The following DCLK3 variants were observed in gnomAD, a reference collection of about 807,000 sequenced individuals.
DCLK3 encodes serine/threonine-protein kinase DCLK3.
A neutral mutation model predicts 46.4 loss-of-function variants in DCLK3; 30 were observed. The observed-to-expected ratio is 0.65, with a 90% CI of 0.48 to 0.88. The LOEUF (loss-of-function observed/expected upper bound fraction) is 0.88. Among genes scored for constraint, DCLK3 ranks in the 40% least tolerant of loss-of-function variants. DCLK3 has a pLI of 0.00. For missense variants in DCLK3, 846 were observed against 907.1 expected (o/e 0.93, Z 0.87); for synonymous variants, 401 against 339.2 (o/e 1.18, Z -2.00).
chr3:36,755,678 T>C (rs1001391724), intron 1 of DCLK3, among the ~76,000 whole-genome samples: 8 of 152,174 alleles, frequency 5.3e-5, no homozygotes, highest in African/African-American at 7.2e-5. Flanking sequence ...AGAGTTCTTA[T>C]GGACCAGTGT....
At chr3:36,759,995 T>A (rs1475987700) in intron 1 of DCLK3, among the ~76,000 whole-genome samples, 4 of 152,202 alleles carry the variant, frequency 2.6e-5, no homozygotes, top group African/African-American at 9.7e-5. Context: ...CATCTCTACA[T>A]CCTCAGGGCC....
In DCLK3 at chr3:36,715,215, T is replaced by C; in HGVS notation, c.*113A>G. On this transcript the variant is annotated 3_prime_UTR_variant, in exon 5 of 5. Coordinates refer to ENST00000636136, the MANE Select transcript of DCLK3 (RefSeq NM_001394672.2). ...TTAAAATATACTCAGTGTCTCTCCC[T>C]CTGATTCACCAATTATGTGAAGAAG... The C allele has an allele frequency of 8.2e-7, 1 of 1,222,706 alleles. No homozygotes were observed. The highest frequency in any genetic ancestry group is 2.7e-5 in the East Asian group (1 of 37,452). The allele number at this position is 1,222,706 out of a possible 1,614,324, so 75.7% of individuals were successfully genotyped here.
chr3:36,737,708 G>T lies in DCLK3; in HGVS notation c.1459C>A (p.Pro487Thr). ...GRRMTLRDDQ[P>T]AKLEKEPKTR... ...TTGGGCTCCTTTTCTAGCTTTGCAG[G>T]TTGGTCATCTCTGAGAGTCATCCTT... Residue 487 changes from proline (P) to threonine (T), a missense_variant, in exon 2 of 5, where the codon CCT (proline) becomes ACT (threonine). This residue lies in a region of DCLK3 where 553 missense variants were observed against 543.0 expected (regional missense o/e 1.02). Coordinates refer to ENST00000636136, the MANE Select transcript of DCLK3 (RefSeq NM_001394672.2). The surrounding 1 kb of genome is among the most constrained non-coding windows in gnomAD (Gnocchi z 4.4). 6.2e-7 allele frequency: 1 copy of T among 1,613,988 alleles called. No individual in the cohort carries two copies. The highest frequency in any genetic ancestry group is 8.5e-7 in the Non-Finnish European group (1 of 1,180,006).
intron 1 of DCLK3, among the ~76,000 whole-genome samples, chr3:36,746,151 G>T (rs774069046): frequency 5.6e-4 from 85 of 152,158 alleles, no homozygotes; most frequent in Non-Finnish European, 1.0e-3. Context: ...TATCTCAGAA[G>T]TGCCTCTGTC....
At chr3:36,754,560 C>T (rs1249469604) in intron 1 of DCLK3, among the ~76,000 whole-genome samples, 3 of 152,174 alleles carry the variant, frequency 2.0e-5, no homozygotes, top group African/African-American at 7.2e-5. Context: ...TAGGAGAAGA[C>T]TTTGATTTGG....
chr3:36,743,060 T>C (rs1435391224), intron 1 of DCLK3, among the ~76,000 whole-genome samples: 1 of 152,110 alleles, frequency 6.6e-6, no homozygotes, highest in African/African-American at 2.4e-5. Flanking sequence ...CTACCAATTT[T>C]GAACCATAAA....
chr3:36,737,058 C>T lies in DCLK3; in HGVS notation c.1959+150G>A. 1 of 1,150,250 alleles carries T rather than the reference C, an allele frequency of 8.7e-7. No homozygotes were observed. Among genetic ancestry groups the T allele is most frequent in the Non-Finnish European group, 1.2e-6 (1 of 836,192 alleles). The allele number at this position is 1,150,250 out of a possible 1,614,324, so 71.3% of individuals were successfully genotyped here. On this transcript the variant is annotated intron_variant, in intron 2 of 4. Coordinates refer to ENST00000636136, the MANE Select transcript of DCLK3 (RefSeq NM_001394672.2). The surrounding 1 kb of genome is among the most constrained non-coding windows in gnomAD (Gnocchi z 4.4). ...ATCTCAGCAACTTATGACCTATAAC[C>T]ATAGTTTTAAATACTGGAACAAGTA...
intron 1 of DCLK3, chr3:36,739,713 T>C (rs535502156): frequency 3.3e-5 from 5 of 152,326 alleles, no homozygotes; most frequent in Admixed American, 1.3e-4. Flanking sequence ...ATAAGCAGCA[T>C]GAAAAGGGAC....
chr3:36,750,906 C>A (rs547762737), intron 1 of DCLK3, among the ~76,000 whole-genome samples: 1 of 152,152 alleles, frequency 6.6e-6, no homozygotes, highest in Admixed American at 6.5e-5. Context: ...GAGGCGTCAA[C>A]AGGCACCAAC....
At chr3:36,723,555 T>A (rs972590308) in intron 2 of DCLK3, among the ~76,000 whole-genome samples, 58 of 152,050 alleles carry the variant, frequency 3.8e-4, no homozygotes, top group African/African-American at 1.4e-3. Flanking sequence ...GGGCCCAGGA[T>A]CCCCATGCTG....
intron 2 of DCLK3, among the ~76,000 whole-genome samples, chr3:36,724,951 A>G (rs943532326): frequency 6.6e-6 from 1 of 151,604 alleles, no homozygotes; most frequent in Non-Finnish European, 1.5e-5. Context: ...CAACTCCAAG[A>G]CTTGAGGCTG....
chr3:36,764,231 C>T lies in DCLK3; in HGVS notation c.33G>A (p.Pro11=). Residue 11 remains proline (P), a synonymous_variant, in exon 1 of 5, where the codon CCG becomes CCA. Coordinates refer to ENST00000636136, the MANE Select transcript of DCLK3 (RefSeq NM_001394672.2). The surrounding 1 kb of genome is among the most constrained non-coding windows in gnomAD (Gnocchi z 4.9). MPAATPAPQP[P]PPPARPAPAC... ...CTGGGGCTGGCCGGGCCGGGGGCGG[C>T]GGCGGCTGCGGGGCTGGAGTGGCGG... 6.4e-6 allele frequency: 2 copies of T among 313,522 alleles called. No individual in the cohort carries two copies. The highest frequency in any genetic ancestry group is 1.2e-5 in the Non-Finnish European group (2 of 171,690). The allele number at this position is 313,522 out of a possible 1,614,324, so 19.4% of individuals were successfully genotyped here.
chr3:36,754,552 G>GGAGAAGACTTT (rs1701470089), intron 1 of DCLK3, among the ~76,000 whole-genome samples: 1 of 152,188 alleles, frequency 6.6e-6, no homozygotes, highest in African/African-American at 2.4e-5. Context: ...CAATCATCTA[G>GGAGAAGACTTT]GAGAAGACTT....
chr3:36,752,551 G>A (rs1166233898), intron 1 of DCLK3, among the ~76,000 whole-genome samples: 3 of 152,168 alleles, frequency 2.0e-5, no homozygotes, highest in Non-Finnish European at 2.9e-5. Context: ...CTTCTCTCCT[G>A]TTTCATTAAA....
At position 36,761,645 on chromosome 3, in the gene DCLK3, T is replaced by C. The variant is rs74321363; in HGVS notation, c.82+2537A>G. Reference sequence around the variant, plus strand: ...AGGTGAGGAAACTCAGGATGCCAGATCAGATACAATGACCCTCCTGGATCC... The same window carrying C: ...AGGTGAGGAAACTCAGGATGCCAGACCAGATACAATGACCCTCCTGGATCC... On this transcript the variant is annotated intron_variant, in intron 1 of 4. Coordinates refer to ENST00000636136, the MANE Select transcript of DCLK3 (RefSeq NM_001394672.2). Among the ~76,000 whole-genome samples, 995 of 152,236 alleles carry C rather than the reference T, an allele frequency of 6.5e-3. 15 individuals are homozygous for C. Among genetic ancestry groups the C allele is most frequent in the African/African-American group, 0.023 (942 of 41,544 alleles).
intron 1 of DCLK3, among the ~76,000 whole-genome samples, chr3:36,756,279 ATCCATTCCCT>A (rs1240810747): frequency 1.3e-5 from 2 of 152,230 alleles, no homozygotes; most frequent in African/African-American, 4.8e-5. Context: ...ATATTCACCC[ATCCATTCCCT>A]TCCATTGGTG....
chr3:36,718,738 T>TA (rs1479226368), intron 3 of DCLK3, among the ~76,000 whole-genome samples: 1 of 152,166 alleles, frequency 6.6e-6, no homozygotes, highest in African/African-American at 2.4e-5. Context: ...CTCTCTCACT[T>TA]AAAAAATATC....
Position 36,764,259 on chromosome 3 carries a change from G to C in DCLK3, c.5C>G (p.Pro2Arg). The change falls in exon 1 of 5, where the codon CCC becomes CGC. Residue 2 changes from proline (P) to arginine (R), a missense_variant. Coordinates refer to ENST00000636136, the MANE Select transcript of DCLK3 (RefSeq NM_001394672.2). The surrounding 1 kb of genome is among the most constrained non-coding windows in gnomAD (Gnocchi z 4.9). ...CGGCTGCGGGGCTGGAGTGGCGGCG[G>C]GCATGGCGCGGCGGCGGGCTCGGGG... M[P>R]AATPAPQPPP... 3.8e-6 allele frequency: 1 copy of C among 264,416 alleles called. No individual in the cohort carries two copies. The highest frequency in any genetic ancestry group is 7.1e-6 in the Non-Finnish European group (1 of 141,156). 16.4% of individuals were successfully genotyped at this position (264,416 alleles called of 1,614,324 possible).
At chr3:36,728,264 G>C (rs1048617463) in intron 2 of DCLK3, among the ~76,000 whole-genome samples, 1 of 152,124 alleles carries the variant, frequency 6.6e-6, no homozygotes, top group South Asian at 2.1e-4. Flanking sequence ...TCCCCAGCTC[G>C]CCTCTGGCTT....
Sources: gnomAD v4.1 joint callset for allele counts (sites outside exome capture counted in the v4.1 genomes callset) on GRCh38, gnomAD v4.1.1 for gene constraint, gnomAD v4.1.1 regional missense constraint, Gnocchi (gnomAD v3.1) non-coding constraint, MANE v1.5 for transcripts, NCBI Gene and HGNC (gene_info 2026-07-23, HGNC 2026-07-21) for gene names.